SELENOI: variants seen among roughly 807,000 people sequenced by gnomAD.
SELENOI encodes ethanolaminephosphotransferase 1.
In SELENOI, 24 loss-of-function variants were observed where a neutral mutation model predicts 50.7. That is an observed-to-expected ratio of 0.47 (90% CI 0.34 to 0.67). The LOEUF is 0.67. Among genes scored for constraint, SELENOI ranks in the 30% least tolerant of loss-of-function variants. The probability of loss-of-function intolerance (pLI) is 0.01; values close to 1 mark genes in which losing one functional copy is unlikely to be tolerated. For synonymous variants in SELENOI, 155 were observed against 170.2 expected, an observed-to-expected ratio of 0.91 and a Z score of 0.70; for missense variants, 352 against 461.4, an observed-to-expected ratio of 0.76 and a Z score of 2.17.
In SELENOI at chr2:26,346,277, T is replaced by C. The variant is rs1167374846; in HGVS notation, c.45T>C (p.Phe15=). 1.2e-6 allele frequency: 2 copies of C among 1,613,542 alleles called. No homozygotes were observed. The highest frequency in any genetic ancestry group is 1.7e-6 in the Non-Finnish European group (2 of 1,179,564). Residue 15 remains phenylalanine (F), a synonymous_variant, in exon 1 of 10, where the codon TTT becomes TTC. Transcript: ENST00000260585. ...EYVSPEQLAG[F]DKYKYSAVDT... ...TGAGCCCGGAGCAGCTGGCTGGCTT[T>C]GATAAGTACAAGGTACCGCGGGCCG...
intron 4 of SELENOI, among the ~76,000 whole-genome samples, chr2:26,371,115 C>G (rs1245095569): frequency 2.0e-5 from 3 of 148,028 alleles, no homozygotes; most frequent in African/African-American, 7.5e-5. Context: ...CTGACCCCCC[C>G]ACCTCCCTCC....
intron 6 of SELENOI, among the ~76,000 whole-genome samples, chr2:26,380,642 C>T (rs1202873719): frequency 6.6e-6 from 1 of 152,104 alleles, no homozygotes; most frequent in African/African-American, 2.4e-5. Flanking sequence ...AGGAAGAGGT[C>T]CCTAGAAGTA....
In SELENOI at chr2:26,373,525, T is replaced by C. The variant is rs1677502918; in HGVS notation, c.469T>C (p.Tyr157His). The C allele has an allele frequency of 1.9e-6, 3 of 1,614,002 alleles. No homozygotes were observed. Among genetic ancestry groups the C allele is most frequent in the Non-Finnish European group, 2.5e-6 (3 of 1,179,880 alleles). The change falls in exon 5 of 10, where the codon TAT becomes CAT. Residue 157 changes from tyrosine (Y) to histidine (H), a missense_variant. By Grantham distance (83) the Tyr-to-His change is moderately conservative. Transcript: ENST00000260585. The part of the protein sequence containing the change: ...GSTGVSVFVL[Y>H]LLLWVVLFSF... ...AACTGGTGTCAGTGTTTTTGTTCTT[T>C]ATCTCCTGCTATGGGTAGTTTTGTT...
chr2:26,381,198 CTTTTTTTTTTTTTTTTTTTTTTTT>C (rs57102834), intron 6 of SELENOI, among the ~76,000 whole-genome samples: 1 of 30,190 alleles, frequency 3.3e-5, no homozygotes, highest in African/African-American at 1.8e-4. Context: ...TCAGTTTGGT[CTTTTTTTTTTTTTTTTTTTTTTTT>C]TTTTTTTACA....
chr2:26,366,433 C>T (rs1192888219), intron 3 of SELENOI, among the ~76,000 whole-genome samples: 2 of 152,020 alleles, frequency 1.3e-5, no homozygotes, highest in African/African-American at 4.8e-5. Context: ...ATTTACTTAG[C>T]TATTAACAGC....
intron 6 of SELENOI, among the ~76,000 whole-genome samples, chr2:26,375,575 T>C (rs1267911509): frequency 2.0e-5 from 3 of 152,224 alleles, no homozygotes; most frequent in Non-Finnish European, 2.9e-5. Context: ...CTCTCAGATA[T>C]CCTCTTTCTT....
intron 4 of SELENOI, among the ~76,000 whole-genome samples, chr2:26,371,139 T>C (rs2147954239): frequency 7.0e-6 from 1 of 143,704 alleles, no homozygotes; most frequent in East Asian, 2.2e-4. Flanking sequence ...ACGGGGCGGC[T>C]GGGCTGGCGG....
Position 26,389,341 on chromosome 2 carries a change from G to T in SELENOI, c.*238G>T. ...GTTGAGCAGAATGTACGTTAGACCAGCAAAATGTTCCTAATGGTTCTAACT... is the reference window on the plus strand; with the variant it reads ...GTTGAGCAGAATGTACGTTAGACCATCAAAATGTTCCTAATGGTTCTAACT... On this transcript the variant is annotated 3_prime_UTR_variant, in exon 10 of 10. Coordinates refer to ENST00000260585, the MANE Select transcript of SELENOI (RefSeq NM_033505.4). The T allele has an allele frequency of 2.5e-6, 1 of 394,808 alleles. No individual in the cohort carries two copies. Among genetic ancestry groups the T allele is most frequent in the Non-Finnish European group, 4.6e-6 (1 of 216,826 alleles). 24.5% of individuals were successfully genotyped at this position (394,808 alleles called of 1,614,324 possible). A position where few individuals can be genotyped will look rare whatever the true frequency, so the allele number is the denominator to read the frequency against.
In SELENOI at chr2:26,394,633, TA is replaced by T. The variant is rs976854436; in HGVS notation, c.*5533del. On this transcript the variant is annotated 3_prime_UTR_variant, in exon 10 of 10. Transcript: ENST00000260585. This position sits in a 1 kb window ranked among gnomAD's most constrained non-coding sequence, Gnocchi z 4.1. ...GAAAGCAAAATTCATTATTGAACTC[TA>T]AATTTCTGGGTGTTTTTTTTTTTAA... The T allele has an allele frequency of 1.8e-4, 28 of 152,104 alleles. No homozygotes were observed. The highest frequency in any genetic ancestry group is 6.7e-4 in the African/African-American group (28 of 41,516). 9.4% of individuals were successfully genotyped at this position (152,104 alleles called of 1,614,324 possible).
At chr2:26,357,663 G>GA (rs1201708690) in intron 1 of SELENOI, among the ~76,000 whole-genome samples, 1 of 152,108 alleles carries the variant, frequency 6.6e-6, no homozygotes, top group African/African-American at 2.4e-5. Context: ...TCTTCATATG[G>GA]CCTTCTTCCC....
chr2:26,372,431 A>G (rs1222472798), intron 4 of SELENOI, among the ~76,000 whole-genome samples: 9 of 152,186 alleles, frequency 5.9e-5, no homozygotes, highest in Non-Finnish European at 1.2e-4. Flanking sequence ...TCAATTGTAA[A>G]TTCTCTGAGG....
At chr2:26,355,895 C>A (rs1677054813) in intron 1 of SELENOI, among the ~76,000 whole-genome samples, 1 of 152,004 alleles carries the variant, frequency 6.6e-6, no homozygotes, top group South Asian at 2.1e-4. Context: ...CATACGCCAC[C>A]ACACCTGGCT....
chr2:26,378,125 A>C (rs1677606699), intron 6 of SELENOI, among the ~76,000 whole-genome samples: 1 of 152,080 alleles, frequency 6.6e-6, no homozygotes, highest in South Asian at 2.1e-4. Flanking sequence ...GTGGTCAGCC[A>C]AAGATTTGGG....
At chr2:26,353,704 A>G (rs961313402) in intron 1 of SELENOI, among the ~76,000 whole-genome samples, 1 of 152,208 alleles carries the variant, frequency 6.6e-6, no homozygotes, top group African/African-American at 2.4e-5. Flanking sequence ...GATGGGTGGA[A>G]AACTGCAGAA....
chr2:26,368,190 G>T lies in SELENOI; in HGVS notation c.310+970G>T, dbSNP rs1342388569. Among the ~76,000 whole-genome samples, 3 of 152,332 alleles carry T rather than the reference G, an allele frequency of 2.0e-5. No homozygotes were observed. In the South Asian group the frequency reaches 6.2e-4, roughly 32 times the overall value. ...GGTAGATGTCATGCTGACCAGAGCT[G>T]CAAGAGTTTGGAGAAGGAAGAAATC... On this transcript the variant is annotated intron_variant, in intron 4 of 9. Transcript: ENST00000260585.
intron 6 of SELENOI, among the ~76,000 whole-genome samples, chr2:26,379,297 T>G (rs1572335098): frequency 6.6e-6 from 1 of 152,184 alleles, no homozygotes; most frequent in African/African-American, 2.4e-5. Flanking sequence ...TCTTTTAATC[T>G]ACGTAGCTTT....
At position 26,373,533 on chromosome 2, in the gene SELENOI, G is replaced by A. The variant is rs1677503192; in HGVS notation, c.477G>A (p.Leu159=). 1 of 1,613,924 alleles carries A rather than the reference G, an allele frequency of 6.2e-7. No individual in the cohort carries two copies. The highest frequency in any genetic ancestry group is 8.5e-7 in the Non-Finnish European group (1 of 1,179,864). ...TGVSVFVLYL[L]LWVVLFSFIL... ...TCAGTGTTTTTGTTCTTTATCTCCT[G>A]CTATGGGTAGTTTTGTTTTCTTTCA... Residue 159 remains leucine (L), a synonymous_variant, in exon 5 of 10, where the codon CTG becomes CTA. Transcript: ENST00000260585.
chr2:26,385,926 A>G (rs1173496344), intron 8 of SELENOI, among the ~76,000 whole-genome samples: 1 of 152,244 alleles, frequency 6.6e-6, no homozygotes, highest in East Asian at 1.9e-4. Flanking sequence ...AGGTTTTGAG[A>G]TACTAATTAT....
At chr2:26,385,184 T>C in intron 8 of SELENOI, 45 bp downstream of exon 8, 1 of 1,112,590 alleles carries the variant, frequency 9.0e-7, no homozygotes, top group East Asian at 3.0e-5. Context: ...ATTAGGATTG[T>C]ATGACAGAAT....
Sources: gnomAD v4.1 joint callset for allele counts (sites outside exome capture counted in the v4.1 genomes callset) on GRCh38, gnomAD v4.1.1 for gene constraint, Gnocchi (gnomAD v3.1) non-coding constraint, MANE v1.5 for transcripts, NCBI Gene and HGNC (gene_info 2026-07-23, HGNC 2026-07-21) for gene names.